The following AGBL1 variants were observed in gnomAD, a reference collection of about 807,000 sequenced individuals.
AGBL1 encodes cytosolic carboxypeptidase 4.
A neutral mutation model predicts 118.9 loss-of-function variants in AGBL1; 130 were observed. That is an observed-to-expected ratio of 1.09 (90% CI 0.95 to 1.26). The LOEUF (loss-of-function observed/expected upper bound fraction) is 1.26. Ranked by LOEUF, AGBL1 falls within the 50% of genes most tolerant of loss-of-function variation. The probability of loss-of-function intolerance (pLI) is 0.00; values close to 1 mark genes in which losing one functional copy is unlikely to be tolerated. For missense variants in AGBL1, 1,584 were observed against 1,298.1 expected (o/e 1.22, Z -3.38); for synonymous variants, 555 against 478.9 (o/e 1.16, Z -2.08).
chr15:86,261,374 A>G (rs1348722148), intron 9 of AGBL1, among the ~76,000 whole-genome samples: 1 of 152,206 alleles, frequency 6.6e-6, no homozygotes, highest in African/African-American at 2.4e-5. Context: ...AGTGGGGGCC[A>G]TGGAGTTGGT....
intron 24 of AGBL1, among the ~76,000 whole-genome samples, chr15:87,006,033 C>T (rs182089768): frequency 6.6e-6 from 1 of 152,202 alleles, no homozygotes; most frequent in Non-Finnish European, 1.5e-5. Context: ...GCAAAAGTTG[C>T]TGTCTGATCT....
chr15:86,989,162 T>C (rs2081313429), intron 24 of AGBL1, among the ~76,000 whole-genome samples: 1 of 152,076 alleles, frequency 6.6e-6, no homozygotes, highest in Admixed American at 6.6e-5. Flanking sequence ...CCACCAAGTC[T>C]GGCTGATTTT....
intron 22 of AGBL1, among the ~76,000 whole-genome samples, chr15:86,693,043 C>A (rs1351477204): frequency 1.3e-5 from 2 of 152,148 alleles, no homozygotes; most frequent in East Asian, 3.9e-4. Context: ...CATATTTTTG[C>A]AATTGAGAAT....
chr15:86,640,047 G>A (rs1596329348), intron 21 of AGBL1, among the ~76,000 whole-genome samples: 1 of 152,262 alleles, frequency 6.6e-6, no homozygotes. Flanking sequence ...GTCTGAAAGT[G>A]CAATGTAAAT....
At position 86,909,190 on chromosome 15, in the gene AGBL1, G is replaced by T. The variant is rs567115379; in HGVS notation, c.*1896G>T. The stretch of plus-strand genomic sequence containing the variant: ...ATAGCCACAGGAAGCTGCAAGAGAG[G>T]TTAGAAAACATAGTCTTTATTTGAG... On this transcript the variant is annotated 3_prime_UTR_variant, in exon 23 of 23. Coordinates refer to ENST00000614907, the MANE Select transcript of AGBL1 (RefSeq NM_001386094.1). 6.6e-6 allele frequency: 1 copy of T among 152,240 alleles called. No individual in the cohort carries two copies. The highest frequency in any genetic ancestry group is 6.5e-5 in the Admixed American group (1 of 15,280). The allele number at this position is 152,240 out of a possible 1,614,324, so 9.4% of individuals were successfully genotyped here.
chr15:86,948,978 T>C (rs745660562), intron 23 of AGBL1, among the ~76,000 whole-genome samples: 2 of 152,166 alleles, frequency 1.3e-5, no homozygotes, highest in Non-Finnish European at 2.9e-5. Flanking sequence ...GCTACAACAG[T>C]GGAACTGAAT....
intron 22 of AGBL1, among the ~76,000 whole-genome samples, chr15:86,685,828 T>C (rs934765811): frequency 4.6e-5 from 7 of 152,156 alleles, no homozygotes; most frequent in Non-Finnish European, 8.8e-5. Flanking sequence ...TCTGAAAATA[T>C]ATTCATAAAA....
Position 86,420,842 on chromosome 15 carries a change from G to GTGAAT in AGBL1, c.2555+23300_2555+23301insTTGAA, listed in dbSNP as rs533758765. Among the ~76,000 whole-genome samples, 21 of 152,288 alleles carry GTGAAT rather than the reference G, an allele frequency of 1.4e-4. No homozygotes were observed. The South Asian group carries it at 4.4e-3, about 32-fold the overall frequency. On this transcript the variant is annotated intron_variant, in intron 18 of 22. Coordinates refer to ENST00000614907, the MANE Select transcript of AGBL1 (RefSeq NM_001386094.1). ...AAGTATCAATAGCCAAATCAATCAA[G>GTGAAT]TGAAAGAAAGGATATCAGAGTTTGA...
rs371748836 is a variant in AGBL1, at chr15:86,438,018, G to T, written c.2555+40472G>T. Among the ~76,000 whole-genome samples, 12 of 152,208 alleles carry T rather than the reference G, an allele frequency of 7.9e-5. No individual in the cohort carries two copies. The East Asian group carries it at 1.2e-3, about 15-fold the overall frequency. ...CCTCCCAGGTTCAAGCGATTCTCCT[G>T]CCTCAGCCTCCAGAGTAGCTGGGAT... On this transcript the variant is annotated intron_variant, in intron 18 of 22. Transcript: ENST00000614907.
chr15:86,716,895 C>T (rs970720940), intron 22 of AGBL1, among the ~76,000 whole-genome samples: 1 of 152,178 alleles, frequency 6.6e-6, no homozygotes, highest in Non-Finnish European at 1.5e-5. Flanking sequence ...CCTTGTCCGG[C>T]CATTTATTAC....
Position 86,721,449 on chromosome 15 carries a change from A to G in AGBL1, c.3158+47013A>G, listed in dbSNP as rs535036531. Among the ~76,000 whole-genome samples the G allele has an allele frequency of 2.0e-4, 30 of 152,230 alleles. No individual in the cohort carries two copies. In the East Asian group the frequency reaches 3.5e-3, roughly 18 times the overall value. Reference sequence around the variant, plus strand: ...AAAAGGCCTTTGACAAAATTCAACAACGCTTCATGCTAAAAACTCTCAATA... The same window carrying G: ...AAAAGGCCTTTGACAAAATTCAACAGCGCTTCATGCTAAAAACTCTCAATA... On this transcript the variant is annotated intron_variant, in intron 22 of 22. Transcript: ENST00000614907.
intron 18 of AGBL1, among the ~76,000 whole-genome samples, chr15:86,520,503 C>T (rs1272039228): frequency 6.6e-6 from 1 of 152,030 alleles, no homozygotes; most frequent in Non-Finnish European, 1.5e-5. Context: ...AAATTGTGAT[C>T]TAAAATAGTA....
intron 1 of AGBL1, among the ~76,000 whole-genome samples, chr15:86,136,519 G>T (rs1022233553): frequency 6.6e-6 from 1 of 152,136 alleles, no homozygotes. Context: ...GGGAAGGCAG[G>T]TTAGCTGGGA....
intron 3 of AGBL1, among the ~76,000 whole-genome samples, chr15:86,144,199 A>G (rs2077002565): frequency 6.6e-6 from 1 of 152,228 alleles, no homozygotes; most frequent in Non-Finnish European, 1.5e-5. Flanking sequence ...AGAAAAAGGA[A>G]CACTTATACA....
At chr15:86,089,316 A>G (rs1895871065) in intron 1 of AGBL1, among the ~76,000 whole-genome samples, 1 of 152,208 alleles carries the variant, frequency 6.6e-6, no homozygotes, top group Non-Finnish European at 1.5e-5. Flanking sequence ...CTGCTTGGTG[A>G]ATACCACCAG....
At chr15:86,864,760 C>T (rs1402612247) in intron 22 of AGBL1, among the ~76,000 whole-genome samples, 3 of 152,110 alleles carry the variant, frequency 2.0e-5, no homozygotes, top group Non-Finnish European at 2.9e-5. Context: ...AAAGAGCCTA[C>T]CAGGAGCTAG....
chr15:86,832,727 T>A (rs1029662269), intron 22 of AGBL1, among the ~76,000 whole-genome samples: 13 of 152,214 alleles, frequency 8.5e-5, no homozygotes, highest in Non-Finnish European at 1.9e-4. Context: ...TTTCAAACTT[T>A]CCCACATCTT....
At chr15:86,626,262 G>T (rs1596318132) in intron 21 of AGBL1, among the ~76,000 whole-genome samples, 1 of 152,084 alleles carries the variant, frequency 6.6e-6, no homozygotes, top group African/African-American at 2.4e-5. Context: ...CCACCTAAAT[G>T]CCCATCAACG....
chr15:86,545,326 T>A (rs1309125513), intron 19 of AGBL1, among the ~76,000 whole-genome samples: 1 of 152,094 alleles, frequency 6.6e-6, no homozygotes, highest in Admixed American at 6.6e-5. Context: ...AAAATTAGAG[T>A]GATTGATTAG....
Sources: allele counts gnomAD v4.1 joint callset (sites outside exome capture counted in the v4.1 genomes callset), GRCh38; gene constraint gnomAD v4.1.1; transcripts MANE v1.5; gene names NCBI Gene and HGNC (gene_info 2026-07-23, HGNC 2026-07-21).